Variants in OTOP1 observed in about 807,000 individuals in gnomAD.
OTOP1 encodes the protein proton channel OTOP1.
Under a neutral mutation model 52.9 loss-of-function variants are expected in OTOP1, and 59 were observed. The observed-to-expected ratio is 1.12, with a 90% confidence interval of 0.91 to 1.39. The LOEUF is 1.39. OTOP1 is among the 40% of genes most tolerant of loss of function. The pLI is 0.00. For synonymous variants in OTOP1, 317 were observed against 337.7 expected, an observed-to-expected ratio of 0.94 and a Z score of 0.67; for missense variants, 761 against 800.9, an observed-to-expected ratio of 0.95 and a Z score of 0.60.
At chr4:4,223,496 A>G (rs1035333169) in intron 1 of OTOP1, among the ~76,000 whole-genome samples, 2 of 152,212 alleles carry the variant, frequency 1.3e-5, no homozygotes, top group African/African-American at 2.4e-5. Flanking sequence ...TGATGGTTCT[A>G]GGAAGTTAAC....
chr4:4,201,461 T>TACACACACAC (rs1167229533), intron 4 of OTOP1, among the ~76,000 whole-genome samples: 3 of 132,782 alleles, frequency 2.3e-5, no homozygotes, highest in African/African-American at 9.5e-5. Flanking sequence ...AATAAATAAA[T>TACACACACAC]ATATATATAT....
At position 4,202,468 on chromosome 4, in the gene OTOP1, C is replaced by T. The variant is rs1716809507; in HGVS notation, c.710G>A (p.Gly237Asp). 2 of 1,613,920 alleles carry T rather than the reference C, an allele frequency of 1.2e-6. No homozygotes were observed. Among genetic ancestry groups the T allele is most frequent in the East Asian group, 2.2e-5 (1 of 44,870 alleles). Residue 237 changes from glycine (G) to aspartate (D), a missense_variant, in exon 4 of 6, where the codon GGT becomes GAT. Physicochemically the swap from Gly to Asp is moderately conservative, Grantham distance 94. Around this residue, in one of 3 missense-constraint regions of OTOP1, gnomAD observed 632 missense variants for 619.5 expected, o/e 1.02. Transcript: ENST00000296358. ...CTCACCTGTTGTTATGTTCCCAAAA[C>T]CCAGAGTGATGAGCCGTTCCTTGTG... ...NEHKERLITL[G>D]FGNITTVLDD...
rs367611211 is a variant in OTOP1 at position 4,226,736 on chromosome 4, G to A, written c.129C>T (p.Ala43=). 2.1e-6 allele frequency: 3 copies of A among 1,397,984 alleles called. No individual in the cohort carries two copies. The highest frequency in any genetic ancestry group is 1.9e-6 in the Non-Finnish European group (2 of 1,074,470). The allele number at this position is 1,397,984 out of a possible 1,614,324, so 86.6% of individuals were successfully genotyped here. The change falls in exon 1 of 6, where the codon GCC becomes GCT. Residue 43 remains alanine (A), a synonymous_variant. Coordinates refer to ENST00000296358, the MANE Select transcript of OTOP1 (RefSeq NM_177998.3). ...TGGCGCGCACACCGCCCCGCCGGGG[G>A]GCCGGGGATTCCGGGGACCTCGGGG... The part of the protein sequence containing the change: ...SSAPRSPESP[A]PRRGGVRASV...
rs752250817 is a variant in OTOP1, at chr4:4,197,470, G to C, written c.1364C>G (p.Ser455Cys). The change falls in exon 5 of 6, where the codon TCT becomes TGT. Residue 455 changes from serine (S) to cysteine (C), a missense_variant. Coordinates refer to ENST00000296358, the MANE Select transcript of OTOP1 (RefSeq NM_177998.3). ...CACCCGAAGGGTTTGGATGTCCTCA[G>C]AGAGTTTTTCAGGCTCTCGGTGAAT... Reference protein sequence around the residue: ...ESIHREPEKLSEDIQTLRVVT... With the variant: ...ESIHREPEKLCEDIQTLRVVT... The C allele has an allele frequency of 1.7e-5, 28 of 1,614,118 alleles. No individual in the cohort carries two copies. The highest frequency in any genetic ancestry group is 1.6e-4 in the Middle Eastern group (1 of 6,062).
In OTOP1 at chr4:4,188,945, C is replaced by G. The variant is rs554408396; in HGVS notation, c.1697G>C (p.Arg566Pro). 5 of 1,613,118 alleles carry G rather than the reference C, an allele frequency of 3.1e-6. No homozygotes were observed. The highest frequency in any genetic ancestry group is 1.1e-5 in the South Asian group (1 of 90,912). ...SLWIPPAFGCRPEYDNGLEEI... is the reference protein window; with the variant it reads ...SLWIPPAFGCPPEYDNGLEEI... ...CTCCAATCCATTGTCATACTCAGGT[C>G]GACAGCCAAAGGCGGGAGGTATCCA... The change falls in exon 6 of 6, where the codon CGA becomes CCA. Residue 566 changes from arginine to proline, a missense_variant. Around this residue, in one of 3 missense-constraint regions of OTOP1, gnomAD observed 632 missense variants for 619.5 expected, o/e 1.02. Coordinates refer to ENST00000296358, the MANE Select transcript of OTOP1 (RefSeq NM_177998.3).
At chr4:4,211,439 C>A (rs935839013) in intron 2 of OTOP1, among the ~76,000 whole-genome samples, 81 of 112,092 alleles carry the variant, frequency 7.2e-4, no homozygotes, top group African/African-American at 2.0e-3. Context: ...TGAGCTCCAA[C>A]TTCTTCGTTA....
At chr4:4,189,925 C>T (rs995281024) in intron 5 of OTOP1, among the ~76,000 whole-genome samples, 5 of 152,252 alleles carry the variant, frequency 3.3e-5, no homozygotes, top group African/African-American at 1.2e-4. Context: ...CCAACAGTTT[C>T]AGCCTGGGAA....
At chr4:4,192,271 G>C (rs1220111675) in intron 5 of OTOP1, among the ~76,000 whole-genome samples, 4 of 152,158 alleles carry the variant, frequency 2.6e-5, no homozygotes, top group Admixed American at 6.5e-5. Context: ...CCTCAGTCAA[G>C]AGTCCCGGCT....
intron 1 of OTOP1, among the ~76,000 whole-genome samples, chr4:4,215,737 C>A (rs1416186313): frequency 6.6e-6 from 1 of 152,088 alleles, no homozygotes; most frequent in African/African-American, 2.4e-5. Context: ...TACAGGAATT[C>A]TCTGAACTGT....
intron 4 of OTOP1, among the ~76,000 whole-genome samples, chr4:4,198,776 C>T (rs1388102354): frequency 6.6e-6 from 1 of 152,102 alleles, no homozygotes; most frequent in Non-Finnish European, 1.5e-5. Flanking sequence ...AGGGCAGATG[C>T]TGTAAGTAAA....
intron 1 of OTOP1, among the ~76,000 whole-genome samples, 176 bp downstream of exon 1, chr4:4,226,286 C>CAG (rs796567275): frequency 4.1e-5 from 4 of 96,600 alleles, no homozygotes; most frequent in South Asian, 3.8e-4. Flanking sequence ...ACCCAAGCTT[C>CAG]AGAGAGAGAG....
At chr4:4,193,684 G>A (rs1207084473) in intron 5 of OTOP1, among the ~76,000 whole-genome samples, 1 of 152,124 alleles carries the variant, frequency 6.6e-6, no homozygotes, top group Non-Finnish European at 1.5e-5. Context: ...CCAAGCACAG[G>A]GAGGAAGAGA....
chr4:4,219,299 G>A (rs1717217098), intron 1 of OTOP1, among the ~76,000 whole-genome samples: 1 of 152,126 alleles, frequency 6.6e-6, no homozygotes, highest in African/African-American at 2.4e-5. Context: ...AAAGAGGAAT[G>A]CAACAAAAAG....
chr4:4,200,253 T>C (rs1164272545), intron 4 of OTOP1, among the ~76,000 whole-genome samples: 2 of 152,094 alleles, frequency 1.3e-5, no homozygotes, highest in Non-Finnish European at 2.9e-5. Flanking sequence ...CCCAGCACTT[T>C]GGAAGGCCGA....
intron 4 of OTOP1, 104 bp downstream of exon 4, chr4:4,202,344 C>A (rs867909531): frequency 2.0e-6 from 3 of 1,526,112 alleles, no homozygotes; most frequent in Middle Eastern, 3.6e-4. Context: ...GGTGGCCCTG[C>A]AGTTCTTTGG....
At chr4:4,213,200 A>C (rs574144899) in intron 1 of OTOP1, among the ~76,000 whole-genome samples, 196 bp from the exon 2 acceptor site, 12 of 152,376 alleles carry the variant, frequency 7.9e-5, no homozygotes, top group African/African-American at 2.9e-4. Flanking sequence ...GGATGTCCAC[A>C]TGCAAACGAA....
Position 4,226,466 on chromosome 4 carries a change from C to A in OTOP1, c.399G>T (p.Leu133=). The change falls in exon 1 of 6, where the codon CTG becomes CTT. Residue 133 remains leucine (L), a synonymous_variant. Coordinates refer to ENST00000296358, the MANE Select transcript of OTOP1 (RefSeq NM_177998.3). The part of the protein sequence containing the change: ...LKDTHAGAGW[L]RGSITLFAVI... ...TCGCCCGGCGCCTGGACTCACCGCG[C>A]AGCCAGCCGGCACCCGCGTGCGTGT... The A allele has an allele frequency of 6.7e-7, 1 of 1,493,670 alleles. No individual in the cohort carries two copies. Among genetic ancestry groups the A allele is most frequent in the South Asian group, 1.3e-5 (1 of 76,430 alleles). 92.5% of individuals were successfully genotyped at this position (1,493,670 alleles called of 1,614,324 possible).
chr4:4,217,884 C>T (rs2108804744), intron 1 of OTOP1, among the ~76,000 whole-genome samples: 1 of 152,034 alleles, frequency 6.6e-6, no homozygotes, highest in South Asian at 2.1e-4. Flanking sequence ...ATTATAGTGA[C>T]CAATCAACTT....
intron 4 of OTOP1, among the ~76,000 whole-genome samples, chr4:4,201,374 C>T (rs2916418): frequency 2.2e-4 from 34 of 151,848 alleles, no homozygotes; most frequent in African/African-American, 7.5e-4. Flanking sequence ...TTGCAGTGAG[C>T]CGAGGTCACG....
Sources: gnomAD v4.1 joint callset for allele counts (sites outside exome capture counted in the v4.1 genomes callset) on GRCh38, gnomAD v4.1.1 for gene constraint, gnomAD v4.1.1 regional missense constraint, MANE v1.5 for transcripts, NCBI Gene and HGNC (gene_info 2026-07-23, HGNC 2026-07-21) for gene names.